Variants in HPSE2 observed in about 807,000 individuals in gnomAD.
The protein encoded by HPSE2 is heparanase 2 (inactive), also known as inactive heparanase-2.
HPSE2 carries 38 observed loss-of-function variants against 60.5 expected under a neutral mutation model. The ratio of observed to expected loss-of-function variants is 0.63; its 90% CI spans 0.48 to 0.82. The LOEUF is 0.82. HPSE2 is among the 40% of genes least tolerant of loss of function. The probability of loss-of-function intolerance (pLI) is 0.00; values close to 1 mark genes in which losing one functional copy is unlikely to be tolerated. For missense variants in HPSE2, 713 were observed against 740.4 expected (o/e 0.96, Z 0.43); for synonymous variants, 295 against 293.2 (o/e 1.01, Z -0.06).
At chr10:99,032,467 C>A (rs1400706080) in intron 3 of HPSE2, among the ~76,000 whole-genome samples, 1 of 152,162 alleles carries the variant, frequency 6.6e-6, no homozygotes, top group East Asian at 1.9e-4. Context: ...TACTCCCTGC[C>A]CCATCCCTTT....
intron 11 of HPSE2, among the ~76,000 whole-genome samples, chr10:98,471,643 G>A (rs539574436): frequency 1.2e-4 from 18 of 152,068 alleles, no homozygotes; most frequent in Non-Finnish European, 1.8e-4. Flanking sequence ...CTGCTTCGCT[G>A]GATGTCTTGC....
intron 5 of HPSE2, among the ~76,000 whole-genome samples, chr10:98,696,189 T>C (rs1948208121): frequency 6.6e-6 from 1 of 151,270 alleles, no homozygotes; most frequent in South Asian, 2.1e-4. Flanking sequence ...TACATGGAAT[T>C]TACTTCTCCA....
the HPSE2 span, among the ~76,000 whole-genome samples, chr10:99,300,028 CAAAA>C: frequency 7.6e-6 from 1 of 131,554 alleles, no homozygotes. Flanking sequence ...GAGGGAGAGG[CAAAA>C]AAAAAAAAAA....
chr10:99,065,707 G>T (rs960175463), intron 3 of HPSE2, among the ~76,000 whole-genome samples: 2 of 152,180 alleles, frequency 1.3e-5, no homozygotes, highest in Non-Finnish European at 2.9e-5. Context: ...CTAAGCCAAG[G>T]CTTGAAGAGT....
chr10:98,553,071 A>G (rs944465838), intron 9 of HPSE2, among the ~76,000 whole-genome samples: 1 of 152,212 alleles, frequency 6.6e-6, no homozygotes, highest in African/African-American at 2.4e-5. Flanking sequence ...TAATTTTGCA[A>G]TTAGTCTCAT....
chr10:99,247,423 C>T, the HPSE2 span, among the ~76,000 whole-genome samples: 1 of 152,160 alleles, frequency 6.6e-6, no homozygotes, highest in Admixed American at 6.5e-5. Flanking sequence ...AAACATGATA[C>T]CCGCTACCGC....
intron 3 of HPSE2, among the ~76,000 whole-genome samples, chr10:98,935,924 G>A (rs1355397233): frequency 6.9e-6 from 1 of 144,936 alleles, no homozygotes; most frequent in Non-Finnish European, 1.5e-5. Flanking sequence ...CCCACCAGGT[G>A]CTCTGTCCCA....
intron 9 of HPSE2, among the ~76,000 whole-genome samples, chr10:98,563,767 A>G (rs1216505534): frequency 6.6e-6 from 1 of 152,068 alleles, no homozygotes; most frequent in South Asian, 2.1e-4. Context: ...GCACAAACAT[A>G]CACAACTAGG....
chr10:99,283,932 T>G, the HPSE2 span, among the ~76,000 whole-genome samples: 1 of 152,196 alleles, frequency 6.6e-6, no homozygotes, highest in African/African-American at 2.4e-5. Flanking sequence ...ACTTCACTGA[T>G]GAGTTCTACC....
In HPSE2 at chr10:99,026,658, T is replaced by C. The variant is rs564758426; in HGVS notation, c.610+117580A>G. On this transcript the variant is annotated intron_variant, in intron 3 of 11. Transcript: ENST00000370552. ...TTTACAGAACATTTTATTCAACAGC[T>C]GCAGAATACGCATTATTTTCCTCAG... Among the ~76,000 whole-genome samples, 7 of 152,248 alleles carry C rather than the reference T, an allele frequency of 4.6e-5. No individual in the cohort carries two copies. The South Asian group carries it at 1.2e-3, about 27-fold the overall frequency.
intron 9 of HPSE2, among the ~76,000 whole-genome samples, chr10:98,577,760 A>G (rs939946443): frequency 1.3e-5 from 2 of 152,160 alleles, no homozygotes; most frequent in Admixed American, 6.5e-5. Flanking sequence ...ACTCAACTCT[A>G]AAACAGTGCT....
intron 3 of HPSE2, among the ~76,000 whole-genome samples, chr10:98,829,292 G>A (rs948960278): frequency 6.6e-6 from 1 of 152,152 alleles, no homozygotes; most frequent in East Asian, 1.9e-4. Flanking sequence ...CACTTTGGGA[G>A]GCCGAGGCAG....
At chr10:98,596,478 T>TC (rs1161690768) in intron 9 of HPSE2, among the ~76,000 whole-genome samples, 6 of 152,046 alleles carry the variant, frequency 3.9e-5, no homozygotes, top group Admixed American at 2.6e-4. Context: ...CATCCTTTTT[T>TC]TTTTTCAGCT....
At chr10:99,027,211 CA>C (rs1255171744) in intron 3 of HPSE2, among the ~76,000 whole-genome samples, 9 of 148,516 alleles carry the variant, frequency 6.1e-5, no homozygotes, top group African/African-American at 1.7e-4. Flanking sequence ...ACAAAATTGA[CA>C]AACCTTTAGT....
intron 5 of HPSE2, among the ~76,000 whole-genome samples, chr10:98,698,266 A>G (rs2134183385): frequency 1.0e-5 from 1 of 100,046 alleles, no homozygotes. Flanking sequence ...CAAATGTAAA[A>G]GATCAGAAAT....
intron 2 of HPSE2, among the ~76,000 whole-genome samples, chr10:99,216,691 A>G (rs146220140): frequency 3.9e-5 from 6 of 152,252 alleles, no homozygotes; most frequent in Admixed American, 3.3e-4. Context: ...TGTAAGTTCT[A>G]TCAGGACAAG....
intron 6 of HPSE2, among the ~76,000 whole-genome samples, chr10:98,688,245 G>A (rs1482987326): frequency 1.3e-5 from 2 of 151,530 alleles, no homozygotes; most frequent in East Asian, 3.9e-4. Context: ...ATCCTTTGTG[G>A]TATTATTGCC....
chr10:98,825,197 G>T (rs1951514839), intron 3 of HPSE2, among the ~76,000 whole-genome samples: 1 of 152,242 alleles, frequency 6.6e-6, no homozygotes, highest in African/African-American at 2.4e-5. Context: ...TGTGTGAGGT[G>T]GGGAGAGGGA....
intron 7 of HPSE2, among the ~76,000 whole-genome samples, chr10:98,637,826 AG>A (rs887102172): frequency 9.2e-5 from 14 of 152,166 alleles, no homozygotes; most frequent in African/African-American, 3.4e-4. Context: ...TGAAGGTTCT[AG>A]GTATATAGAC....
Sources: allele counts gnomAD v4.1 joint callset (sites outside exome capture counted in the v4.1 genomes callset), GRCh38; gene constraint gnomAD v4.1.1; transcripts MANE v1.5; gene names NCBI Gene and HGNC (gene_info 2026-07-23, HGNC 2026-07-21).